The following SH3PXD2B variants were observed in gnomAD, a reference collection of about 807,000 sequenced individuals.
SH3PXD2B encodes the protein SH3 and PX domain-containing protein 2B.
SH3PXD2B carries 37 observed loss-of-function variants against 73.1 expected under a neutral mutation model. The observed-to-expected ratio is 0.51, with a 90% CI of 0.39 to 0.67. The LOEUF (loss-of-function observed/expected upper bound fraction) is 0.67. Among genes scored for constraint, SH3PXD2B ranks in the 30% least tolerant of loss-of-function variants. The pLI is 0.00. For synonymous variants in SH3PXD2B, 457 were observed against 480.5 expected, an observed-to-expected ratio of 0.95 and a Z score of 0.64; for missense variants, 1,053 against 1,197.8, an observed-to-expected ratio of 0.88 and a Z score of 1.78.
chr5:172,327,938 A>G (rs1756476645), intron 12 of SH3PXD2B, among the ~76,000 whole-genome samples: 2 of 151,962 alleles, frequency 1.3e-5, no homozygotes, highest in Admixed American at 6.6e-5. Flanking sequence ...TACTTTTAGT[A>G]AAGATGGGGT....
At chr5:172,418,664 G>A (rs531661180) in intron 2 of SH3PXD2B, among the ~76,000 whole-genome samples, 27 of 152,250 alleles carry the variant, frequency 1.8e-4, no homozygotes, top group Admixed American at 1.2e-3. Flanking sequence ...GGGAGGAGGC[G>A]GCCGGTTCCA....
intron 1 of SH3PXD2B, among the ~76,000 whole-genome samples, chr5:172,428,011 C>T (rs886865640): frequency 4.6e-5 from 7 of 151,926 alleles, no homozygotes; most frequent in Non-Finnish European, 7.4e-5. Context: ...CTCCTGACCT[C>T]GTGATCCACC....
chr5:172,415,358 G>A (rs916313266), intron 2 of SH3PXD2B, among the ~76,000 whole-genome samples: 2 of 152,156 alleles, frequency 1.3e-5, no homozygotes, highest in African/African-American at 4.8e-5. Flanking sequence ...GCCTTAAAAA[G>A]GGGCAGCCAT....
intron 1 of SH3PXD2B, among the ~76,000 whole-genome samples, chr5:172,429,411 G>A (rs1010995368): frequency 2.6e-5 from 4 of 152,172 alleles, no homozygotes; most frequent in African/African-American, 9.7e-5. Flanking sequence ...AGAGAGTCAC[G>A]GAGGTTTTCT....
chr5:172,425,343 C>G (rs1458025187), intron 1 of SH3PXD2B, among the ~76,000 whole-genome samples: 1 of 152,098 alleles, frequency 6.6e-6, no homozygotes, highest in Non-Finnish European at 1.5e-5. Flanking sequence ...GGCAATAAAC[C>G]AGCAAACCTG....
At chr5:172,423,716 A>C (rs1006179046) in intron 1 of SH3PXD2B, among the ~76,000 whole-genome samples, 1 of 151,990 alleles carries the variant, frequency 6.6e-6, no homozygotes. Context: ...CAGTGACACA[A>C]TCTCGGCTCA....
intron 3 of SH3PXD2B, among the ~76,000 whole-genome samples, chr5:172,400,584 G>A (rs542679753): frequency 7.2e-5 from 11 of 152,314 alleles, no homozygotes; most frequent in African/African-American, 2.6e-4. Flanking sequence ...AGTATGGGAA[G>A]GGAAAACTAT....
At chr5:172,331,445 C>G (rs1489042243), downstream of SH3PXD2B, among the ~76,000 whole-genome samples, 1 of 152,110 alleles carries the variant, frequency 6.6e-6, no homozygotes, top group Non-Finnish European at 1.5e-5. Context: ...AATTTGAGAG[C>G]CATTGATTAG....
In SH3PXD2B at chr5:172,337,117, C is replaced by A; in HGVS notation, c.*1252G>T. 4.1e-6 allele frequency: 4 copies of A among 985,470 alleles called. No individual in the cohort carries two copies. Among genetic ancestry groups the A allele is most frequent in the Non-Finnish European group, 4.8e-6 (4 of 829,972 alleles). 61.0% of individuals were successfully genotyped at this position (985,470 alleles called of 1,614,324 possible). On this transcript the variant is annotated 3_prime_UTR_variant, in exon 13 of 13. Transcript: ENST00000311601. ...TAGAAGAGGGAACAGGGCTCTGTGTCAACCACCAGGACCCTGGCATTCTCC... is the reference window on the plus strand; with the variant it reads ...TAGAAGAGGGAACAGGGCTCTGTGTAAACCACCAGGACCCTGGCATTCTCC...
chr5:172,444,209 CTT>C (rs980275832), intron 1 of SH3PXD2B, among the ~76,000 whole-genome samples: 3 of 152,170 alleles, frequency 2.0e-5, no homozygotes, highest in Admixed American at 6.5e-5. Flanking sequence ...GATCTGGACT[CTT>C]GAGTGGCTAA....
At chr5:172,380,387 G>C (rs1757916788) in intron 5 of SH3PXD2B, among the ~76,000 whole-genome samples, 1 of 152,198 alleles carries the variant, frequency 6.6e-6, no homozygotes, top group Non-Finnish European at 1.5e-5. Context: ...AGAAAATGAA[G>C]TGGAAAGGGA....
At chr5:172,396,711 T>G (rs1758309341) in intron 3 of SH3PXD2B, among the ~76,000 whole-genome samples, 2 of 149,078 alleles carry the variant, frequency 1.3e-5, no homozygotes, top group South Asian at 4.2e-4. Flanking sequence ...TTTTGGGAAG[T>G]CAAGGCAGGT....
Position 172,335,393 on chromosome 5 carries a change from G to A in SH3PXD2B, c.*2976C>T. On this transcript the variant is annotated 3_prime_UTR_variant, in exon 13 of 13. Transcript: ENST00000311601. Reference sequence around the variant, plus strand: ...CCCTCCGCACACTTCCCTGCTAATGGCAGAGAAAAGTCATGGACACGAGGG... The same window carrying A: ...CCCTCCGCACACTTCCCTGCTAATGACAGAGAAAAGTCATGGACACGAGGG... 4.1e-6 allele frequency: 5 copies of A among 1,224,318 alleles called. No individual in the cohort carries two copies. The highest frequency in any genetic ancestry group is 3.2e-4 in the Middle Eastern group (1 of 3,168). The allele number at this position is 1,224,318 out of a possible 1,614,324, so 75.8% of individuals were successfully genotyped here.
chr5:172,394,956 C>A (rs1758263053), intron 3 of SH3PXD2B, among the ~76,000 whole-genome samples: 1 of 152,128 alleles, frequency 6.6e-6, no homozygotes, highest in Non-Finnish European at 1.5e-5. Flanking sequence ...AAGGTTGGAC[C>A]CGAGCATGTG....
Position 172,339,861 on chromosome 5 carries a change from C to T in SH3PXD2B, c.1244G>A (p.Gly415Glu). The T allele has an allele frequency of 6.2e-7, 1 of 1,614,250 alleles. No individual in the cohort carries two copies. Among genetic ancestry groups the T allele is most frequent in the South Asian group, 1.1e-5 (1 of 91,084 alleles). Residue 415 changes from glycine (G) to glutamate (E), a missense_variant, in exon 13 of 13, where the codon GGG becomes GAG. This residue lies in a region of SH3PXD2B where 466 missense variants were observed against 607.1 expected (regional missense o/e 0.77). Coordinates refer to ENST00000311601, the MANE Select transcript of SH3PXD2B (RefSeq NM_001017995.3). This position sits in a 1 kb window ranked among gnomAD's most constrained non-coding sequence, Gnocchi z 6.1. ...GTCAATGAAGGTGGCCGGGGCCCAC[C>T]CTTCCTTATCTTCAATCTGAATGTA... Reference protein sequence around the residue: ...WWYIQIEDKEGWAPATFIDKY... With the variant: ...WWYIQIEDKEEWAPATFIDKY...
At chr5:172,385,522 GC>G (rs1263779881) in intron 4 of SH3PXD2B, among the ~76,000 whole-genome samples, 1 of 152,190 alleles carries the variant, frequency 6.6e-6, no homozygotes, top group Non-Finnish European at 1.5e-5. Context: ...TTCCCTACGT[GC>G]CTAGACAGTG....
intron 3 of SH3PXD2B, among the ~76,000 whole-genome samples, chr5:172,394,977 C>T (rs772488534): frequency 8.5e-5 from 13 of 152,126 alleles, no homozygotes; most frequent in African/African-American, 1.4e-4. Context: ...AGGTCCTGTC[C>T]AACTCCAGGA....
At chr5:172,386,263 C>T (rs1758057948) in intron 4 of SH3PXD2B, among the ~76,000 whole-genome samples, 1 of 152,192 alleles carries the variant, frequency 6.6e-6, no homozygotes, top group African/African-American at 2.4e-5. Context: ...TGGTTTCCAT[C>T]ATATATTAGC....
At position 172,335,623 on chromosome 5, in the gene SH3PXD2B, T is replaced by C. The variant is rs966117726; in HGVS notation, c.*2746A>G. ...ACCAGCCCGGTGCTTGGCACCATTG[T>C]CACGATGGGCCTGGACACTTTCTAG... On this transcript the variant is annotated 3_prime_UTR_variant, in exon 13 of 13. Coordinates refer to ENST00000311601, the MANE Select transcript of SH3PXD2B (RefSeq NM_001017995.3). 2 of 1,231,850 alleles carry C rather than the reference T, an allele frequency of 1.6e-6. No individual in the cohort carries two copies. The highest frequency in any genetic ancestry group is 2.0e-6 in the Non-Finnish European group (2 of 988,068). The allele number at this position is 1,231,850 out of a possible 1,614,324, so 76.3% of individuals were successfully genotyped here.
Sources: gnomAD v4.1 joint callset for allele counts (sites outside exome capture counted in the v4.1 genomes callset) on GRCh38, gnomAD v4.1.1 for gene constraint, gnomAD v4.1.1 regional missense constraint, Gnocchi (gnomAD v3.1) non-coding constraint, MANE v1.5 for transcripts, NCBI Gene and HGNC (gene_info 2026-07-23, HGNC 2026-07-21) for gene names.